CAMTA1: variants seen among roughly 807,000 people sequenced by gnomAD.
CAMTA1 encodes the protein calmodulin-binding transcription activator 1.
A neutral mutation model predicts 170.9 loss-of-function variants in CAMTA1; 27 were observed. That is an observed-to-expected ratio of 0.16 (90% CI 0.12 to 0.22). The LOEUF is 0.22. Ranked by LOEUF, CAMTA1 falls within the 10% of genes least tolerant of loss-of-function variation. The probability of loss-of-function intolerance (pLI) is 1.00; values close to 1 mark genes in which losing one functional copy is unlikely to be tolerated. For missense variants in CAMTA1, 1,619 were observed against 2,217.2 expected, an observed-to-expected ratio of 0.73 and a Z score of 5.42; for synonymous variants, 833 against 891.5, an observed-to-expected ratio of 0.93 and a Z score of 1.17.
chr1:7,049,955 A>T (rs1251408890), intron 3 of CAMTA1, among the ~76,000 whole-genome samples: 2 of 152,094 alleles, frequency 1.3e-5, no homozygotes, highest in African/African-American at 4.8e-5. Context: ...GTGAGGAGTA[A>T]ATGTCACGAG....
intron 3 of CAMTA1, among the ~76,000 whole-genome samples, chr1:6,843,285 T>G (rs1296903804): frequency 6.6e-6 from 1 of 152,234 alleles, no homozygotes. Context: ...GGTTCTTAGA[T>G]GTCCATTCCA....
chr1:7,647,280 G>GC (rs1300407328), intron 7 of CAMTA1, among the ~76,000 whole-genome samples: 7 of 141,276 alleles, frequency 5.0e-5, no homozygotes, highest in Non-Finnish European at 8.9e-5. Flanking sequence ...GATCCAGAAG[G>GC]GGGGGGGGCT....
intron 2 of CAMTA1, among the ~76,000 whole-genome samples, chr1:6,824,846 C>T (rs1171781741): frequency 6.6e-6 from 1 of 152,060 alleles, no homozygotes; most frequent in East Asian, 1.9e-4. Context: ...CGGGGATTTT[C>T]CCTGTTCACT....
intron 4 of CAMTA1, among the ~76,000 whole-genome samples, chr1:7,246,628 CCCT>C (rs934246031): frequency 2.0e-5 from 3 of 151,490 alleles, no homozygotes; most frequent in Non-Finnish European, 2.9e-5. Context: ...GACCCCACTT[CCCT>C]CCTCCTTCCT....
chr1:7,506,836 T>G (rs1330721801), intron 6 of CAMTA1, among the ~76,000 whole-genome samples: 1 of 151,028 alleles, frequency 6.6e-6, no homozygotes, highest in Non-Finnish European at 1.5e-5. Context: ...CACCCATGCT[T>G]ACACTCAAAA....
At chr1:7,473,020 G>A (rs930203777) in intron 6 of CAMTA1, among the ~76,000 whole-genome samples, 1 of 152,190 alleles carries the variant, frequency 6.6e-6, no homozygotes, top group Non-Finnish European at 1.5e-5. Context: ...GCAGGATCCA[G>A]GCTTCCCCAC....
rs552089926 is a variant in CAMTA1 at position 7,762,880 on chromosome 1, GA to G, written c.4990-3575del. 1.7e-4 allele frequency among the ~76,000 whole-genome samples: 26 copies of G among 152,208 alleles called. No homozygotes were observed. The South Asian group carries it at 5.4e-3, about 32-fold the overall frequency. On this transcript the variant is annotated intron_variant, in intron 22 of 22. Transcript: ENST00000303635. ...ATAAAAGATGACACCTTAGAATTGA[GA>G]AAATGTAATTGTTGTTAATTTCATC...
At chr1:7,335,772 TAAA>T (rs5772272) in intron 5 of CAMTA1, among the ~76,000 whole-genome samples, 23 of 142,822 alleles carry the variant, frequency 1.6e-4, no homozygotes, top group Admixed American at 4.1e-4. Flanking sequence ...TAGATAACGT[TAAA>T]AAAAAAAAAA....
At chr1:6,814,703 T>C (rs767800965) in intron 1 of CAMTA1, among the ~76,000 whole-genome samples, 4 of 152,238 alleles carry the variant, frequency 2.6e-5, no homozygotes, top group Non-Finnish European at 5.9e-5. Context: ...TACAGTTTTT[T>C]CTTTTTAAAA....
At chr1:7,418,819 C>A (rs946159046) in intron 5 of CAMTA1, among the ~76,000 whole-genome samples, 1 of 152,210 alleles carries the variant, frequency 6.6e-6, no homozygotes, top group Admixed American at 6.5e-5. Context: ...CTGCCCACCT[C>A]CACCCCACTC....
At chr1:7,683,315 C>T (rs1173223267) in intron 11 of CAMTA1, among the ~76,000 whole-genome samples, 1 of 151,988 alleles carries the variant, frequency 6.6e-6, no homozygotes, top group African/African-American at 2.4e-5. Flanking sequence ...CTTTGCTTTA[C>T]TAAAACCAAT....
intron 1 of CAMTA1, among the ~76,000 whole-genome samples, chr1:6,812,339 CT>C (rs1305840669): frequency 6.6e-6 from 1 of 152,104 alleles, no homozygotes. Flanking sequence ...CTAGAATAGG[CT>C]TAATGTGTGC....
At chr1:7,476,000 A>G (rs1246113640) in intron 6 of CAMTA1, among the ~76,000 whole-genome samples, 1 of 152,184 alleles carries the variant, frequency 6.6e-6, no homozygotes, top group African/African-American at 2.4e-5. Flanking sequence ...ACCAGTCCTG[A>G]TGCCAAGAAG....
At chr1:7,629,270 G>A (rs570793274) in intron 6 of CAMTA1, among the ~76,000 whole-genome samples, 3 of 152,260 alleles carry the variant, frequency 2.0e-5, no homozygotes, top group Admixed American at 6.5e-5. Flanking sequence ...GCTGACACTC[G>A]CAGCCCCAGA....
At chr1:6,984,590 G>C (rs1695049213) in intron 3 of CAMTA1, among the ~76,000 whole-genome samples, 1 of 152,098 alleles carries the variant, frequency 6.6e-6, no homozygotes, top group African/African-American at 2.4e-5. Flanking sequence ...CCCTGCCTGG[G>C]TAACACAGTG....
intron 3 of CAMTA1, among the ~76,000 whole-genome samples, chr1:7,047,058 G>A (rs1705497630): frequency 6.6e-6 from 1 of 152,188 alleles, no homozygotes; most frequent in African/African-American, 2.4e-5. Context: ...AGTGACATGT[G>A]TGGTTTGCTA....
chr1:6,887,523 A>G lies in CAMTA1; in HGVS notation c.234+62313A>G, dbSNP rs1673562374. 5.9e-6 allele frequency: 8 copies of G among 1,363,416 alleles called. No homozygotes were observed. The South Asian group carries it at 1.0e-4, about 17-fold the overall frequency. 84.5% of individuals were successfully genotyped at this position (1,363,416 alleles called of 1,614,324 possible). A position where few individuals can be genotyped will look rare whatever the true frequency, so the allele number is the denominator to read the frequency against. ...CTGTATACGTATGTGTGTGTTTAAT[A>G]TATACTTTAGTTTGCCTTTACCCAG... On this transcript the variant is annotated intron_variant, in intron 3 of 22. Coordinates refer to ENST00000303635, the MANE Select transcript of CAMTA1 (RefSeq NM_015215.4). The surrounding 1 kb of genome is among the most constrained non-coding windows in gnomAD (Gnocchi z 4.1).
At chr1:7,220,618 C>T (rs913853362) in intron 4 of CAMTA1, among the ~76,000 whole-genome samples, 8 of 152,182 alleles carry the variant, frequency 5.3e-5, no homozygotes, top group South Asian at 2.1e-4. Flanking sequence ...GGGACCACCT[C>T]GGCTCTGTGG....
intron 1 of CAMTA1, among the ~76,000 whole-genome samples, chr1:6,807,513 G>A (rs1644656545): frequency 6.6e-6 from 1 of 152,124 alleles, no homozygotes. Context: ...GAGGTCAGGA[G>A]ATCGAGACCA....
Sources: gnomAD v4.1 joint callset for allele counts (sites outside exome capture counted in the v4.1 genomes callset) on GRCh38, gnomAD v4.1.1 for gene constraint, Gnocchi (gnomAD v3.1) non-coding constraint, MANE v1.5 for transcripts, NCBI Gene and HGNC (gene_info 2026-07-23, HGNC 2026-07-21) for gene names.